GPCPD1: variants seen among roughly 807,000 people sequenced by gnomAD.
The protein encoded by GPCPD1 is glycerophosphocholine phosphodiesterase 1, also known as glycerophosphocholine phosphodiesterase GPCPD1.
Under a neutral mutation model 89.2 loss-of-function variants are expected in GPCPD1, and 29 were observed. The observed-to-expected ratio is 0.33, with a 90% CI of 0.24 to 0.44. The LOEUF is 0.44. GPCPD1 is among the 20% of genes least tolerant of loss of function. The pLI, the probability that GPCPD1 is intolerant of heterozygous loss-of-function variation, is 1.00. For missense variants in GPCPD1, 594 were observed against 808.9 expected, an observed-to-expected ratio of 0.73 and a Z score of 3.22; for synonymous variants, 258 against 266.3, an observed-to-expected ratio of 0.97 and a Z score of 0.30.
chr20:5,552,972 CT>C (rs564574949), intron 19 of GPCPD1, among the ~76,000 whole-genome samples: 1 of 152,152 alleles, frequency 6.6e-6, no homozygotes, highest in Non-Finnish European at 1.5e-5. Flanking sequence ...TGCACTTCGT[CT>C]TTTTTTAAAT....
At chr20:5,586,569 AT>A (rs1317180346) in intron 4 of GPCPD1, among the ~76,000 whole-genome samples, 1 of 152,178 alleles carries the variant, frequency 6.6e-6, no homozygotes, top group Non-Finnish European at 1.5e-5. Flanking sequence ...AGAAATTTTC[AT>A]TTTTAACTGA....
At chr20:5,587,370 ATACTC>A (rs1369574666) in intron 4 of GPCPD1, among the ~76,000 whole-genome samples, 1 of 151,604 alleles carries the variant, frequency 6.6e-6, no homozygotes, top group Non-Finnish European at 1.5e-5. Context: ...TATATTACAC[ATACTC>A]TTTTTTTTTT....
intron 17 of GPCPD1, among the ~76,000 whole-genome samples, chr20:5,559,684 C>T (rs558124462): frequency 6.6e-4 from 101 of 152,162 alleles, no homozygotes; most frequent in Admixed American, 1.6e-3. Flanking sequence ...AGGGAGCTTA[C>T]AATATGGTAA....
intron 2 of GPCPD1, among the ~76,000 whole-genome samples, chr20:5,602,098 G>T (rs1366090496): frequency 1.9e-4 from 29 of 152,224 alleles, no homozygotes; most frequent in Admixed American, 1.9e-3. Context: ...ACATTTAGCA[G>T]AGGGTCCTTC....
At chr20:5,564,289 G>A (rs551662438) in intron 15 of GPCPD1, among the ~76,000 whole-genome samples, 30 of 150,812 alleles carry the variant, frequency 2.0e-4, no homozygotes, top group Non-Finnish European at 4.0e-4. Flanking sequence ...GAAGAAACTC[G>A]CTTCCCTCTC....
intron 2 of GPCPD1, among the ~76,000 whole-genome samples, chr20:5,599,765 T>A (rs1212043541): frequency 6.6e-6 from 1 of 152,066 alleles, no homozygotes; most frequent in Non-Finnish European, 1.5e-5. Context: ...ATTGGCTAGG[T>A]TGGTCTTGAA....
At chr20:5,587,319 CA>C (rs1349523613) in intron 4 of GPCPD1, among the ~76,000 whole-genome samples, 1 of 151,810 alleles carries the variant, frequency 6.6e-6, no homozygotes, top group Non-Finnish European at 1.5e-5. Context: ...TAATCACCAT[CA>C]AGATTTTCAC....
intron 19 of GPCPD1, among the ~76,000 whole-genome samples, chr20:5,553,789 T>C (rs1337545338): frequency 1.3e-5 from 2 of 152,216 alleles, no homozygotes; most frequent in Admixed American, 1.3e-4. Context: ...GTAAAGAAGC[T>C]GCAGAAGAAA....
At chr20:5,574,473 G>A (rs1978285215) in intron 10 of GPCPD1, among the ~76,000 whole-genome samples, 1 of 152,156 alleles carries the variant, frequency 6.6e-6, no homozygotes, top group Non-Finnish European at 1.5e-5. Context: ...GGTGGCTCAC[G>A]CCTGTAACCC....
At chr20:5,555,721 T>C (rs985075704) in intron 19 of GPCPD1, among the ~76,000 whole-genome samples, 7 of 151,192 alleles carry the variant, frequency 4.6e-5, no homozygotes, top group Non-Finnish European at 1.0e-4. Context: ...CCAGGCATGG[T>C]GGCAGGCGTG....
chr20:5,575,323 ACAT>A, intron 10 of GPCPD1, 87 bp downstream of exon 10: 2 of 892,766 alleles, frequency 2.2e-6, no homozygotes, highest in Non-Finnish European at 3.4e-6. Flanking sequence ...AATAATAAAA[ACAT>A]CATTTGACCT....
chr20:5,561,138 T>C (rs1986054165), intron 16 of GPCPD1, among the ~76,000 whole-genome samples: 1 of 152,262 alleles, frequency 6.6e-6, no homozygotes, highest in East Asian at 1.9e-4. Context: ...TAAAACATTC[T>C]TATATGGGAA....
In GPCPD1 at chr20:5,603,873, A is replaced by C. The variant is rs184982761; in HGVS notation, c.49+491T>G. 6.1e-4 allele frequency among the ~76,000 whole-genome samples: 92 copies of C among 152,002 alleles called. 2 individuals are homozygous for C. Among genetic ancestry groups the C allele is most frequent in the African/African-American group, 2.1e-3 (89 of 41,468 alleles). The stretch of plus-strand genomic sequence containing the variant: ...GCAATTCTCCTGCCTCAGCCTCCCA[A>C]GTAGCTGGGATTACAGGCACATGCC... On this transcript the variant is annotated intron_variant, in intron 2 of 19. Transcript: ENST00000379019.
At chr20:5,572,134 AT>A (rs1986760345) in intron 11 of GPCPD1, among the ~76,000 whole-genome samples, 1 of 149,934 alleles carries the variant, frequency 6.7e-6, no homozygotes, top group Non-Finnish European at 1.5e-5. Flanking sequence ...CAGGAGGATC[AT>A]TTGAGCCCAG....
intron 3 of GPCPD1, among the ~76,000 whole-genome samples, chr20:5,595,104 T>C (rs1042201518): frequency 3.3e-5 from 5 of 152,082 alleles, no homozygotes; most frequent in Admixed American, 6.5e-5. Flanking sequence ...GAGACAAAAC[T>C]CTCCACCAGC....
chr20:5,593,396 T>G lies in GPCPD1; in HGVS notation c.162A>C (p.Ala54=), dbSNP rs1410935448. 6.3e-7 allele frequency: 1 copy of G among 1,587,366 alleles called. No homozygotes were observed. Among genetic ancestry groups the G allele is most frequent in the African/African-American group, 1.3e-5 (1 of 74,358 alleles). ...ATACTCCTCTACTGAGTACAATGGT[T>G]GCTTTCCATAGCATGCTGTGAAGAA... ...NDTGESMLWK[A]TIVLSRGVSV... The change falls in exon 4 of 20, where the codon GCA becomes GCC. Residue 54 remains alanine, a synonymous_variant. Coordinates refer to ENST00000379019, the MANE Select transcript of GPCPD1 (RefSeq NM_019593.5).
chr20:5,578,671 A>G, intron 7 of GPCPD1, 60 bp from the exon 8 acceptor site: 1 of 1,029,912 alleles, frequency 9.7e-7, no homozygotes. Flanking sequence ...ACTCATACAA[A>G]TGTTGCCTAA....
intron 19 of GPCPD1, among the ~76,000 whole-genome samples, chr20:5,554,665 C>T (rs1985649159): frequency 6.6e-6 from 1 of 152,208 alleles, no homozygotes; most frequent in African/African-American, 2.4e-5. Flanking sequence ...AGAACTCTAA[C>T]AGAGATTGCT....
intron 4 of GPCPD1, among the ~76,000 whole-genome samples, chr20:5,589,269 T>C (rs1055682100): frequency 1.3e-5 from 2 of 152,212 alleles, no homozygotes; most frequent in Non-Finnish European, 2.9e-5. Flanking sequence ...AAGCCTACTT[T>C]ATTAAACTTT....
Sources: allele counts gnomAD v4.1 joint callset (sites outside exome capture counted in the v4.1 genomes callset), GRCh38; gene constraint gnomAD v4.1.1; transcripts MANE v1.5; gene names NCBI Gene and HGNC (gene_info 2026-07-23, HGNC 2026-07-21).